Variants in GPC6 observed in about 807,000 individuals in gnomAD.
GPC6 encodes glypican 6, also known as glypican-6.
GPC6 carries 14 observed loss-of-function variants against 55.2 expected under a neutral mutation model. The observed-to-expected ratio is 0.25, with a 90% CI of 0.17 to 0.40. GPC6 has a LOEUF of 0.40. Ranked by LOEUF, GPC6 falls within the 10% of genes least tolerant of loss-of-function variation. GPC6 has a pLI of 1.00. For missense variants in GPC6, 641 were observed against 708.5 expected (o/e 0.90, Z 1.08); for synonymous variants, 278 against 259.6 (o/e 1.07, Z -0.68).
At chr13:94,203,607 G>A (rs1411865047) in intron 4 of GPC6, among the ~76,000 whole-genome samples, 2 of 151,840 alleles carry the variant, frequency 1.3e-5, no homozygotes, top group Non-Finnish European at 2.9e-5. Context: ...CCTTATGTTG[G>A]CAGTCCCTCC....
At chr13:93,568,749 G>T (rs1225045021) in intron 2 of GPC6, among the ~76,000 whole-genome samples, 1 of 152,156 alleles carries the variant, frequency 6.6e-6, no homozygotes, top group African/African-American at 2.4e-5. Flanking sequence ...ACTAAAAGAA[G>T]ATGACCCATC....
intron 1 of GPC6, among the ~76,000 whole-genome samples, chr13:93,337,313 T>C (rs1336010336): frequency 6.6e-6 from 1 of 152,202 alleles, no homozygotes; most frequent in Non-Finnish European, 1.5e-5. Context: ...GATTCCCATA[T>C]TTGGCTCAAG....
chr13:93,722,294 C>T (rs535103363), intron 2 of GPC6, among the ~76,000 whole-genome samples: 45 of 151,636 alleles, frequency 3.0e-4, no homozygotes, highest in East Asian at 1.9e-3. Flanking sequence ...TTTCATTCAC[C>T]GGTATTTATT....
At chr13:93,809,721 G>C (rs1886640564) in intron 2 of GPC6, among the ~76,000 whole-genome samples, 1 of 152,150 alleles carries the variant, frequency 6.6e-6, no homozygotes. Flanking sequence ...TCTTGAGAAT[G>C]CTGCTTGGCT....
At chr13:93,971,106 C>T (rs1456961379) in intron 3 of GPC6, among the ~76,000 whole-genome samples, 5 of 152,184 alleles carry the variant, frequency 3.3e-5, no homozygotes, top group Non-Finnish European at 1.5e-5. Context: ...TTCATGAGGA[C>T]ATTCAATTTT....
At chr13:93,760,645 C>T (rs1331585736) in intron 2 of GPC6, among the ~76,000 whole-genome samples, 1 of 152,168 alleles carries the variant, frequency 6.6e-6, no homozygotes, top group African/African-American at 2.4e-5. Flanking sequence ...GCTGCCACCC[C>T]AAAGACTCAC....
intron 3 of GPC6, among the ~76,000 whole-genome samples, chr13:93,895,085 T>G (rs1191228468): frequency 1.3e-5 from 2 of 150,240 alleles, no homozygotes; most frequent in Non-Finnish European, 3.0e-5. Flanking sequence ...CACCTCTAAG[T>G]CCATATATGT....
intron 3 of GPC6, among the ~76,000 whole-genome samples, chr13:93,905,908 T>C (rs950642621): frequency 1.3e-5 from 2 of 152,230 alleles, no homozygotes; most frequent in Non-Finnish European, 2.9e-5. Context: ...ATGGTGGTGC[T>C]ACAAGTCATG....
rs1241857192 is a variant in GPC6 at position 93,301,182 on chromosome 13, C to T, written c.160+73566C>T. ...GAACCTAATAACCAATTGTTACTGT[C>T]TTTGATAATGGGAATGCAAAACTCA... On this transcript the variant is annotated intron_variant, in intron 1 of 8. Coordinates refer to ENST00000377047, the MANE Select transcript of GPC6 (RefSeq NM_005708.5). Among the ~76,000 whole-genome samples the T allele has an allele frequency of 2.6e-5, 4 of 152,182 alleles. No homozygotes were observed. The East Asian group carries it at 5.8e-4, about 22-fold the overall frequency.
chr13:94,085,024 T>C (rs962242448), intron 4 of GPC6, among the ~76,000 whole-genome samples: 13 of 151,848 alleles, frequency 8.6e-5, no homozygotes, highest in Non-Finnish European at 1.8e-4. Flanking sequence ...GTATAATTCA[T>C]GTATAAAAAG....
At chr13:93,525,021 C>T (rs1881594639) in intron 1 of GPC6, among the ~76,000 whole-genome samples, 1 of 152,052 alleles carries the variant, frequency 6.6e-6, no homozygotes, top group Non-Finnish European at 1.5e-5. Flanking sequence ...CGTATTTGGT[C>T]GTTGACTCTA....
intron 2 of GPC6, among the ~76,000 whole-genome samples, chr13:93,672,288 T>C (rs1424216934): frequency 1.3e-5 from 2 of 151,706 alleles, no homozygotes; most frequent in Non-Finnish European, 2.9e-5. Context: ...CCAAATGTAT[T>C]GCAGCTCATA....
At chr13:93,349,113 A>C (rs568585017) in intron 1 of GPC6, among the ~76,000 whole-genome samples, 1 of 152,296 alleles carries the variant, frequency 6.6e-6, no homozygotes, top group South Asian at 2.1e-4. Flanking sequence ...TTTGGCCTTT[A>C]CTAGTTCAGA....
chr13:93,727,211 TATTTTCCACTAAA>T (rs1011880881), intron 2 of GPC6, among the ~76,000 whole-genome samples: 1 of 152,192 alleles, frequency 6.6e-6, no homozygotes, highest in African/African-American at 2.4e-5. Flanking sequence ...ATAGTAATAA[TATTTTCCACTAAA>T]ATATACTGCT....
chr13:93,748,707 G>A (rs1884482115), intron 2 of GPC6, among the ~76,000 whole-genome samples: 1 of 151,844 alleles, frequency 6.6e-6, no homozygotes, highest in East Asian at 1.9e-4. Context: ...ATTTACTTTG[G>A]TAATTAATAC....
chr13:93,826,822 A>G (rs1338211632), intron 2 of GPC6, among the ~76,000 whole-genome samples: 2 of 152,104 alleles, frequency 1.3e-5, no homozygotes, highest in African/African-American at 2.4e-5. Flanking sequence ...TCTGCCCCTT[A>G]AGAGGTCTCT....
intron 4 of GPC6, among the ~76,000 whole-genome samples, chr13:94,204,812 C>G (rs1429369260): frequency 6.6e-6 from 1 of 152,182 alleles, no homozygotes; most frequent in Non-Finnish European, 1.5e-5. Flanking sequence ...AGAACTCAGT[C>G]AGCCTTGTTC....
chr13:93,413,004 C>A (rs1876568671), intron 1 of GPC6, among the ~76,000 whole-genome samples: 2 of 152,214 alleles, frequency 1.3e-5, no homozygotes, highest in South Asian at 4.1e-4. Flanking sequence ...AATTTAATTT[C>A]TATCTTCATA....
chr13:94,000,986 T>A (rs1881773095), intron 3 of GPC6, among the ~76,000 whole-genome samples: 1 of 152,272 alleles, frequency 6.6e-6, no homozygotes, highest in East Asian at 1.9e-4. Flanking sequence ...CTCGAGTAAA[T>A]GCCACTATTT....
Sources: gnomAD v4.1 joint callset for allele counts (sites outside exome capture counted in the v4.1 genomes callset) on GRCh38, gnomAD v4.1.1 for gene constraint, MANE v1.5 for transcripts, NCBI Gene and HGNC (gene_info 2026-07-23, HGNC 2026-07-21) for gene names.